Variants in NPR3 observed in about 807,000 individuals in gnomAD.
NPR3 encodes the protein natriuretic peptide receptor 3, also known as atrial natriuretic peptide receptor 3.
In NPR3, 34 loss-of-function variants were observed where a neutral mutation model predicts 54.5. The ratio of observed to expected loss-of-function variants is 0.62; its 90% confidence interval spans 0.47 to 0.83. The LOEUF is 0.83. NPR3 is among the 40% of genes least tolerant of loss of function. NPR3 has a pLI of 0.00. For synonymous variants in NPR3, 289 were observed against 297.1 expected, an observed-to-expected ratio of 0.97 and a Z score of 0.28; for missense variants, 674 against 720.8, an observed-to-expected ratio of 0.94 and a Z score of 0.74.
intron 3 of NPR3, among the ~76,000 whole-genome samples, 155 bp downstream of exon 3, chr5:32,739,185 T>TG (rs1561099753): frequency 7.5e-5 from 11 of 147,632 alleles, no homozygotes; most frequent in South Asian, 6.5e-4. Flanking sequence ...GTGTGTGTGT[T>TG]TTTTTTTTTT....
intron 1 of NPR3, among the ~76,000 whole-genome samples, chr5:32,715,692 T>G (rs1415944556): frequency 6.6e-6 from 1 of 152,212 alleles, no homozygotes; most frequent in East Asian, 1.9e-4. Context: ...ATAAATTTAG[T>G]TTTAAAAAGA....
At chr5:32,764,018 G>T (rs955808261) in intron 3 of NPR3, among the ~76,000 whole-genome samples, 3 of 152,144 alleles carry the variant, frequency 2.0e-5, no homozygotes, top group African/African-American at 7.2e-5. Context: ...CTTTTGTAGG[G>T]TTTTCATGGA....
At chr5:32,716,001 C>T (rs577797804) in intron 1 of NPR3, among the ~76,000 whole-genome samples, 9 of 152,174 alleles carry the variant, frequency 5.9e-5, no homozygotes, top group Non-Finnish European at 1.2e-4. Flanking sequence ...AGGAAAGAAC[C>T]CATGATAAGT....
chr5:32,705,488 A>G (rs1386132127), upstream of NPR3, among the ~76,000 whole-genome samples: 4 of 152,326 alleles, frequency 2.6e-5, no homozygotes, highest in East Asian at 5.8e-4. Flanking sequence ...GACCTCAGGA[A>G]ACTTACAATC....
chr5:32,791,214 C>T lies in NPR3; in HGVS notation c.*4869C>T, dbSNP rs954482804. On this transcript the variant is annotated 3_prime_UTR_variant, in exon 8 of 8. Coordinates refer to ENST00000265074, the MANE Select transcript of NPR3 (RefSeq NM_001204375.2). The stretch of plus-strand genomic sequence containing the variant: ...AGCATGGAGTTGCTGTGAGTTTGTT[C>T]GTTGCAGACCTTTGTGTTGGGTCCT... The T allele has an allele frequency of 3.6e-5, 6 of 167,068 alleles. No homozygotes were observed. The highest frequency in any genetic ancestry group is 2.1e-4 in the South Asian group (1 of 4,824). The allele number at this position is 167,068 out of a possible 1,614,324, so 10.3% of individuals were successfully genotyped here.
upstream of NPR3, among the ~76,000 whole-genome samples, chr5:32,709,014 G>C (rs577885661): frequency 6.6e-6 from 1 of 151,602 alleles, no homozygotes; most frequent in South Asian, 2.1e-4. Context: ...TGCAAGTCGA[G>C]AGCTCTTGTC....
At chr5:32,697,174 C>A (rs1740551953) in intron 1 of NPR3, among the ~76,000 whole-genome samples, 1 of 151,940 alleles carries the variant, frequency 6.6e-6, no homozygotes, top group Non-Finnish European at 1.5e-5. Flanking sequence ...TTTTTGAGGG[C>A]TTTTTAAATT....
Position 32,738,905 on chromosome 5 carries a change from G to A in NPR3, c.934G>A (p.Ala312Thr), listed in dbSNP as rs750920406. 30 of 1,613,770 alleles carry A rather than the reference G, an allele frequency of 1.9e-5. No individual in the cohort carries two copies. Among genetic ancestry groups the A allele is most frequent in the Non-Finnish European group, 2.4e-5 (28 of 1,179,828 alleles). ...GAGAGGAGACAAACACGACTTTGAA[G>A]CTAAGCAAGCATACTCGTCCCTCCA... The part of the protein sequence containing the change: ...WKRGDKHDFE[A>T]KQAYSSLQTV... The change falls in exon 3 of 8, where the codon GCT becomes ACT. Residue 312 changes from alanine (A) to threonine (T), a missense_variant. Transcript: ENST00000265074.
At chr5:32,744,461 A>G (rs1740196741) in intron 3 of NPR3, among the ~76,000 whole-genome samples, 1 of 152,150 alleles carries the variant, frequency 6.6e-6, no homozygotes, top group Non-Finnish European at 1.5e-5. Flanking sequence ...GGGAATAACA[A>G]TTTTTGACTG....
At chr5:32,722,149 A>T (rs1421526776) in intron 1 of NPR3, among the ~76,000 whole-genome samples, 1 of 152,226 alleles carries the variant, frequency 6.6e-6, no homozygotes, top group Non-Finnish European at 1.5e-5. Flanking sequence ...AATAGAAAAA[A>T]AAAGTACCAC....
chr5:32,775,666 C>T (rs1742008471), intron 4 of NPR3, among the ~76,000 whole-genome samples: 1 of 152,080 alleles, frequency 6.6e-6, no homozygotes, highest in Admixed American at 6.6e-5. Context: ...GGAGCAATCT[C>T]AGCTCACTGC....
chr5:32,706,365 C>T (rs987816540), upstream of NPR3, among the ~76,000 whole-genome samples: 1 of 152,104 alleles, frequency 6.6e-6, no homozygotes, highest in African/African-American at 2.4e-5. Flanking sequence ...TGGCCTAATA[C>T]ACAGGGGGAT....
intron 6 of NPR3, among the ~76,000 whole-genome samples, chr5:32,783,799 G>A (rs1298303831): frequency 1.3e-5 from 2 of 152,158 alleles, no homozygotes; most frequent in Non-Finnish European, 2.9e-5. Flanking sequence ...GACCCTAGGA[G>A]TCTTCCTTCA....
At chr5:32,758,779 G>A (rs906355793) in intron 3 of NPR3, among the ~76,000 whole-genome samples, 1 of 152,146 alleles carries the variant, frequency 6.6e-6, no homozygotes, top group Non-Finnish European at 1.5e-5. Flanking sequence ...CTTTAAATGT[G>A]TCCCAAAGAT....
intron 4 of NPR3, among the ~76,000 whole-genome samples, chr5:32,779,220 T>A (rs1292383869): frequency 2.6e-5 from 4 of 152,188 alleles, no homozygotes; most frequent in Non-Finnish European, 4.4e-5. Context: ...GAGGAGTCAG[T>A]ACCTCCAGAG....
chr5:32,711,646 A>G lies in NPR3; in HGVS notation c.-131A>G. 7.8e-7 allele frequency: 1 copy of G among 1,279,036 alleles called. No homozygotes were observed. The highest frequency in any genetic ancestry group is 9.8e-7 in the Non-Finnish European group (1 of 1,018,778). The allele number at this position is 1,279,036 out of a possible 1,614,324, so 79.2% of individuals were successfully genotyped here. On this transcript the variant is annotated 5_prime_UTR_variant, in exon 1 of 8. Coordinates refer to ENST00000265074, the MANE Select transcript of NPR3 (RefSeq NM_001204375.2). ...CTTTTGGCGCATTAGTGAAGGGGGT[A>G]TTCTATTTTGTTAAAGCGCCCAAGG...
At chr5:32,699,622 A>G (rs62369517) in intron 1 of NPR3, among the ~76,000 whole-genome samples, 121 of 152,074 alleles carry the variant, frequency 8.0e-4, no homozygotes, top group Non-Finnish European at 1.4e-3. Context: ...TGTCACTTGT[A>G]TTTATATTTT....
chr5:32,701,509 T>C (rs1737798671), intron 1 of NPR3, among the ~76,000 whole-genome samples: 1 of 152,242 alleles, frequency 6.6e-6, no homozygotes, highest in East Asian at 1.9e-4. Flanking sequence ...GATTGATCCT[T>C]GTTGCCTTAT....
intron 3 of NPR3, among the ~76,000 whole-genome samples, chr5:32,767,561 A>G (rs1398070704): frequency 1.3e-5 from 2 of 152,206 alleles, no homozygotes; most frequent in Admixed American, 1.3e-4. Context: ...TATTTCTAGA[A>G]CCATTCATTA....
Sources: gnomAD v4.1 joint callset for allele counts (sites outside exome capture counted in the v4.1 genomes callset) on GRCh38, gnomAD v4.1.1 for gene constraint, MANE v1.5 for transcripts, NCBI Gene and HGNC (gene_info 2026-07-23, HGNC 2026-07-21) for gene names.